ETS1: variants seen among roughly 807,000 people sequenced by gnomAD.
ETS1 encodes ETS proto-oncogene 1, transcription factor.
A neutral mutation model predicts 58.6 loss-of-function variants in ETS1; 15 were observed. The observed-to-expected ratio is 0.26, with a 90% CI of 0.17 to 0.39. The LOEUF is 0.39. Ranked by LOEUF, ETS1 falls within the 10% of genes least tolerant of loss-of-function variation. The pLI, the probability that ETS1 is intolerant of heterozygous loss-of-function variation, is 1.00. For synonymous variants in ETS1, 214 were observed against 218.2 expected (o/e 0.98, Z 0.17); for missense variants, 417 against 610.5 (o/e 0.68, Z 3.34).
At chr11:128,497,350 G>A (rs553454508) in intron 3 of ETS1, among the ~76,000 whole-genome samples, 1 of 152,352 alleles carries the variant, frequency 6.6e-6, no homozygotes, top group Admixed American at 6.5e-5. Flanking sequence ...AGACAAAAGA[G>A]ATGGTCTCCT....
intron 3 of ETS1, among the ~76,000 whole-genome samples, chr11:128,550,279 A>T (rs531982488): frequency 6.6e-6 from 1 of 152,344 alleles, no homozygotes; most frequent in Admixed American, 6.5e-5. Context: ...AGACCTTGTA[A>T]TCTGAATATG....
At chr11:128,522,894 C>T (rs1427660529) in intron 3 of ETS1, among the ~76,000 whole-genome samples, 1 of 152,168 alleles carries the variant, frequency 6.6e-6, no homozygotes, top group Non-Finnish European at 1.5e-5. Flanking sequence ...GATCTTGAGT[C>T]AGGGCGTGTG....
At chr11:128,526,441 G>A (rs190600596) in intron 3 of ETS1, 1 of 159,544 alleles carries the variant, frequency 6.3e-6, no homozygotes, top group East Asian at 1.9e-4. Flanking sequence ...ATTTAGCACA[G>A]TGTCTAGGTG....
chr11:128,487,809 G>C (rs375244589), intron 5 of ETS1, among the ~76,000 whole-genome samples: 3 of 152,186 alleles, frequency 2.0e-5, no homozygotes, highest in African/African-American at 7.2e-5. Context: ...AAGGAGATGA[G>C]TGATACTGAA....
At chr11:128,571,398 CAG>C (rs1485641360) in intron 2 of ETS1, among the ~76,000 whole-genome samples, 1 of 144,430 alleles carries the variant, frequency 6.9e-6, no homozygotes, top group Non-Finnish European at 1.5e-5. Flanking sequence ...GCCTGGGTGA[CAG>C]AGCGAGACTC....
At chr11:128,548,625 T>C (rs749611900) in intron 3 of ETS1, among the ~76,000 whole-genome samples, 3 of 152,234 alleles carry the variant, frequency 2.0e-5, no homozygotes, top group Admixed American at 6.5e-5. Context: ...GTTCCAACCG[T>C]CTATTTCTTA....
intron 8 of ETS1, among the ~76,000 whole-genome samples, chr11:128,475,440 G>A (rs749167131): frequency 2.6e-5 from 4 of 152,078 alleles, no homozygotes; most frequent in Non-Finnish European, 4.4e-5. Flanking sequence ...CTTGGCCCTG[G>A]GACTTTCTTA....
chr11:128,560,956 C>A (rs1293181488), intron 2 of ETS1, among the ~76,000 whole-genome samples: 1 of 151,890 alleles, frequency 6.6e-6, no homozygotes, highest in Admixed American at 6.6e-5. Context: ...TGATGAAGGG[C>A]CACATGAGCA....
intron 2 of ETS1, among the ~76,000 whole-genome samples, chr11:128,557,931 T>C (rs1324550583): frequency 6.6e-6 from 1 of 152,228 alleles, no homozygotes; most frequent in Non-Finnish European, 1.5e-5. Flanking sequence ...GCCCACTATC[T>C]GCTCCCTTTC....
Position 128,486,124 on chromosome 11 carries a change from A to T in ETS1, c.558T>A (p.Val186=), listed in dbSNP as rs771025037. The change falls in exon 6 of 10, where the codon GTT becomes GTA. Residue 186 remains valine (V), a synonymous_variant. Transcript: ENST00000392668. Reference sequence around the variant, plus strand: ...CTGGATAGGCTGGGTTGACTCCATTAACTTGATATGGTTTCACATCCTCTG... The same window carrying T: ...CTGGATAGGCTGGGTTGACTCCATTTACTTGATATGGTTTCACATCCTCTG... The part of the protein sequence containing the change: ...LQKEDVKPYQ[V]NGVNPAYPES... 1.9e-6 allele frequency: 3 copies of T among 1,609,430 alleles called. No homozygotes were observed. Among genetic ancestry groups the T allele is most frequent in the Admixed American group, 1.7e-5 (1 of 60,002 alleles).
chr11:128,521,627 G>A (rs1372175989), intron 3 of ETS1, among the ~76,000 whole-genome samples: 1 of 152,158 alleles, frequency 6.6e-6, no homozygotes, highest in East Asian at 1.9e-4. Flanking sequence ...AAAAAAGCAG[G>A]AATGGGGCGC....
chr11:128,501,746 T>C (rs770633374), intron 3 of ETS1, among the ~76,000 whole-genome samples: 7 of 152,148 alleles, frequency 4.6e-5, no homozygotes, highest in Non-Finnish European at 1.0e-4. Context: ...CAGTTACAAA[T>C]CCTCCTGACT....
At chr11:128,528,801 AG>A (rs1229081986) in intron 3 of ETS1, among the ~76,000 whole-genome samples, 2 of 152,328 alleles carry the variant, frequency 1.3e-5, no homozygotes, top group East Asian at 3.9e-4. Flanking sequence ...CTAACTAAAA[AG>A]GTCTTCGTAA....
intron 3 of ETS1, among the ~76,000 whole-genome samples, chr11:128,494,142 G>C (rs1862876157): frequency 6.6e-6 from 1 of 152,122 alleles, no homozygotes; most frequent in Non-Finnish European, 1.5e-5. Context: ...TCTCCTTTGT[G>C]CTAATAATTA....
At chr11:128,539,147 T>C (rs1864017711) in intron 3 of ETS1, among the ~76,000 whole-genome samples, 1 of 152,226 alleles carries the variant, frequency 6.6e-6, no homozygotes, top group South Asian at 2.1e-4. Context: ...GGGCAATAAT[T>C]TCTTAGGTAC....
intron 1 of ETS1, among the ~76,000 whole-genome samples, chr11:128,580,176 TAAAAAAAAAA>T (rs140049360): frequency 6.8e-5 from 7 of 102,370 alleles, no homozygotes; most frequent in African/African-American, 1.2e-4. Context: ...GTTTGGACAT[TAAAAAAAAAA>T]AAAAAAAAAA....
At chr11:128,574,223 A>G (rs924080264) in intron 1 of ETS1, among the ~76,000 whole-genome samples, 2 of 152,238 alleles carry the variant, frequency 1.3e-5, no homozygotes, top group African/African-American at 4.8e-5. Flanking sequence ...TACTAATATC[A>G]TATGGTTAAG....
chr11:128,500,000 G>T (rs776010011), intron 3 of ETS1, among the ~76,000 whole-genome samples: 1 of 152,172 alleles, frequency 6.6e-6, no homozygotes, highest in Non-Finnish European at 1.5e-5. Context: ...TCCCTCCCAC[G>T]CAGGAAACAA....
Position 128,463,859 on chromosome 11 carries a change from A to G in ETS1, c.1124-232T>C. 3.1e-6 allele frequency: 1 copy of G among 323,876 alleles called. No individual in the cohort carries two copies. The highest frequency in any genetic ancestry group is 5.8e-6 in the Non-Finnish European group (1 of 173,760). 20.1% of individuals were successfully genotyped at this position (323,876 alleles called of 1,614,324 possible). On this transcript the variant is annotated intron_variant, in intron 8 of 9. Coordinates refer to ENST00000392668, the MANE Select transcript of ETS1 (RefSeq NM_001143820.2). This position sits in a 1 kb window ranked among gnomAD's most constrained non-coding sequence, Gnocchi z 4.1. ...TGGAAGAAAATGTGTCAAGTGCTTT[A>G]TTTTGATTAACTTAAGGATCGGTTC...
Sources: gnomAD v4.1 joint callset for allele counts (sites outside exome capture counted in the v4.1 genomes callset) on GRCh38, gnomAD v4.1.1 for gene constraint, Gnocchi (gnomAD v3.1) non-coding constraint, MANE v1.5 for transcripts, NCBI Gene and HGNC (gene_info 2026-07-23, HGNC 2026-07-21) for gene names.